Variants in COL1A2 observed in about 807,000 individuals in gnomAD.
The protein encoded by COL1A2 is collagen type I alpha 2 chain.
In COL1A2, 49 loss-of-function variants were observed where a neutral mutation model predicts 174.3. The ratio of observed to expected loss-of-function variants is 0.28; its 90% CI spans 0.22 to 0.36. The LOEUF is 0.36. COL1A2 is among the 10% of genes least tolerant of loss of function. The pLI, the probability that COL1A2 is intolerant of heterozygous loss-of-function variation, is 1.00. For missense variants in COL1A2, 1,438 were observed against 1,822.7 expected, an observed-to-expected ratio of 0.79 and a Z score of 3.84; for synonymous variants, 655 against 606.6, an observed-to-expected ratio of 1.08 and a Z score of -1.17.
chr7:94,426,354 T>A (rs1305886380), intron 45 of COL1A2, 69 bp from the exon 46 acceptor site: 1 of 1,327,470 alleles, frequency 7.5e-7, no homozygotes, highest in Non-Finnish European at 1.1e-6. Flanking sequence ...AATTAAGCAG[T>A]ATTTGTGGTG....
chr7:94,417,978 T>C (rs1369142288), intron 32 of COL1A2, 147 bp downstream of exon 32: 1 of 714,856 alleles, frequency 1.4e-6, no homozygotes, highest in Non-Finnish European at 2.4e-6. Context: ...ACCTAGCACC[T>C]ACACATTTCT....
At chr7:94,426,106 CA>C in intron 45 of COL1A2, 55 bp downstream of exon 45, 1 of 1,467,524 alleles carries the variant, frequency 6.8e-7, no homozygotes, top group Non-Finnish European at 9.6e-7. Flanking sequence ...AGAATCAGTC[CA>C]AAACATCTGT....
chr7:94,406,284 C>T lies in COL1A2; in HGVS notation c.575C>T (p.Pro192Leu). ...GGTCTGGATGGATTGAAGGGACAGC[C>T]CGGTGCTCCTGGTGTGAAGGTAAAT... ...HNGLDGLKGQPGAPGVKGEPG... is the reference protein window; with the variant it reads ...HNGLDGLKGQLGAPGVKGEPG... Residue 192 changes from proline to leucine, a missense_variant, in exon 12 of 52, where the codon CCC becomes CTC. This residue lies in a region of COL1A2 where 281 missense variants were observed against 310.9 expected (regional missense o/e 0.90). Transcript: ENST00000297268. 1 of 1,613,936 alleles carries T rather than the reference C, an allele frequency of 6.2e-7. No individual in the cohort carries two copies. Among genetic ancestry groups the T allele is most frequent in the African/African-American group, 1.3e-5 (1 of 75,026 alleles).
At chr7:94,420,482 C>G in intron 36 of COL1A2, 38 bp downstream of exon 36, 1 of 1,614,042 alleles carries the variant, frequency 6.2e-7, no homozygotes, top group Non-Finnish European at 8.5e-7. Flanking sequence ...TGAAAACATC[C>G]TAAGTTGGGG....
rs1053766807 is a variant in COL1A2 at position 94,421,245 on chromosome 7, T to C, written c.2349+183T>C. 6 of 675,322 alleles carry C rather than the reference T, an allele frequency of 8.9e-6. No homozygotes were observed. The African/African-American group carries it at 1.1e-4, about 12-fold the overall frequency. The allele number at this position is 675,322 out of a possible 1,614,324, so 41.8% of individuals were successfully genotyped here. A position where few individuals can be genotyped will look rare whatever the true frequency, so the allele number is the denominator to read the frequency against. On this transcript the variant is annotated intron_variant, in intron 38 of 51. Coordinates refer to ENST00000297268, the MANE Select transcript of COL1A2 (RefSeq NM_000089.4). ...TTGAACTCAGCTGGAACTCAGTGTA[T>C]GTTGCTATCAGCTCACTTGAGGTAA...
At chr7:94,412,411 G>A (rs1791946801) in intron 24 of COL1A2, among the ~76,000 whole-genome samples, 173 bp from the exon 25 acceptor site, 1 of 151,756 alleles carries the variant, frequency 6.6e-6, no homozygotes, top group South Asian at 2.1e-4. Context: ...TTGGCTATGT[G>A]TGTACTGACA....
At chr7:94,426,939 G>GAAA (rs58882596) in intron 46 of COL1A2, 69 bp from the exon 47 acceptor site, 7 of 1,333,504 alleles carry the variant, frequency 5.2e-6, no homozygotes, top group Middle Eastern at 2.0e-4. Context: ...ATTCAATTTG[G>GAAA]AAAAAAAAAA....
intron 41 of COL1A2, chr7:94,424,756 G>A: frequency 2.2e-6 from 1 of 464,084 alleles, no homozygotes; most frequent in Admixed American, 3.5e-5. Context: ...CCTGTAGGAA[G>A]AATGAAACTC....
rs1045518967 is a variant in COL1A2 at position 94,408,038 on chromosome 7, C to G, written c.640-145C>G. 1.0e-4 allele frequency: 118 copies of G among 1,162,626 alleles called. 1 individual carries two copies. In the African/African-American group the frequency reaches 1.5e-3, roughly 15 times the overall value. The allele number at this position is 1,162,626 out of a possible 1,614,324, so 72.0% of individuals were successfully genotyped here. On this transcript the variant is annotated intron_variant, in intron 13 of 51. Transcript: ENST00000297268. ...AGCCTTCTGATACTTAATTGAAATC[C>G]ACTACTGTTTAGTTGGAATTAGAAG...
chr7:94,405,415 T>C (rs1279727494), intron 10 of COL1A2, among the ~76,000 whole-genome samples, 163 bp downstream of exon 10: 1 of 152,112 alleles, frequency 6.6e-6, no homozygotes, highest in Non-Finnish European at 1.5e-5. Flanking sequence ...AAAATGCATA[T>C]ACATTTTATT....
chr7:94,418,687 G>A (rs941464381), intron 33 of COL1A2, 135 bp downstream of exon 33: 3 of 692,790 alleles, frequency 4.3e-6, no homozygotes, highest in South Asian at 3.8e-5. Flanking sequence ...TTCTCTCCTG[G>A]GTCTATGACT....
At chr7:94,414,532 C>T (rs925721828) in intron 29 of COL1A2, among the ~76,000 whole-genome samples, 1 of 152,094 alleles carries the variant, frequency 6.6e-6, no homozygotes, top group Non-Finnish European at 1.5e-5. Context: ...TATTTAATAG[C>T]CTTACTTTTT....
intron 39 of COL1A2, 95 bp downstream of exon 39, chr7:94,422,047 T>C (rs1222739373): frequency 2.0e-6 from 2 of 1,013,002 alleles, no homozygotes; most frequent in Non-Finnish European, 3.0e-6. Flanking sequence ...TGAAAACACA[T>C]CACTAATATT....
Position 94,407,832 on chromosome 7 carries a change from T to A in COL1A2, c.595-15T>A, listed in dbSNP as rs1349608749. The A allele has an allele frequency of 6.2e-7, 1 of 1,613,296 alleles. No homozygotes were observed. Among genetic ancestry groups the A allele is most frequent in the South Asian group, 1.1e-5 (1 of 90,958 alleles). ...TTATATTTAATGAACAAAAACTCAATCCTTCTCCATGTAGGGTGAACCTGG... is the reference window on the plus strand; with the variant it reads ...TTATATTTAATGAACAAAAACTCAAACCTTCTCCATGTAGGGTGAACCTGG... On this transcript the variant is annotated splice_polypyrimidine_tract_variant and intron_variant, in intron 12 of 51. Transcript: ENST00000297268.
Position 94,398,395 on chromosome 7 carries a change from A to G in COL1A2, c.95A>G (p.Lys32Arg). ...CQSLQEETVR[K>R]GPAGDRGPRG... ...ATTCTTTTCTAGGAAACTGTAAGAA[A>G]GGTAAGAGTACACTACTTCTCCATA... Residue 32 changes from lysine to arginine, a missense_variant and splice_region_variant, in exon 3 of 52, where the codon AAG (lysine) becomes AGG (arginine). Lys to Arg is a conservative substitution (Grantham distance 26). This residue lies in a region of COL1A2 where 281 missense variants were observed against 310.9 expected (regional missense o/e 0.90). Transcript: ENST00000297268. 1 of 949,358 alleles carries G rather than the reference A, an allele frequency of 1.1e-6. No homozygotes were observed. Among genetic ancestry groups the G allele is most frequent in the Non-Finnish European group, 1.6e-6 (1 of 644,920 alleles). The allele number at this position is 949,358 out of a possible 1,614,324, so 58.8% of individuals were successfully genotyped here.
rs1039513940 is a variant in COL1A2, at chr7:94,429,982, G to A, written c.3955-265G>A. ...CAACAATCCTAAAAATGACTTTGTAGAGATAGGTCACTTGGAATGTGTGTT... is the reference window on the plus strand; with the variant it reads ...CAACAATCCTAAAAATGACTTTGTAAAGATAGGTCACTTGGAATGTGTGTT... On this transcript the variant is annotated intron_variant, in intron 51 of 51. Coordinates refer to ENST00000297268, the MANE Select transcript of COL1A2 (RefSeq NM_000089.4). 16 of 506,666 alleles carry A rather than the reference G, an allele frequency of 3.2e-5. No homozygotes were observed. In the Admixed American group the frequency reaches 4.5e-4, roughly 14 times the overall value. The allele number at this position is 506,666 out of a possible 1,614,324, so 31.4% of individuals were successfully genotyped here.
chr7:94,405,290 T>A (rs766176209), intron 10 of COL1A2, 38 bp downstream of exon 10: 1 of 1,586,028 alleles, frequency 6.3e-7, no homozygotes, highest in East Asian at 2.2e-5. Flanking sequence ...ACAAACATCA[T>A]AGGCCTATAA....
In COL1A2 at chr7:94,418,532, C is replaced by T. The variant is rs1194591416; in HGVS notation, c.2005C>T (p.Pro669Ser). 3.7e-6 allele frequency: 6 copies of T among 1,613,826 alleles called. No individual in the cohort carries two copies. The highest frequency in any genetic ancestry group is 1.1e-5 in the South Asian group (1 of 91,052). ...EPGLRGEIGN[P>S]GRDGARGAPG... The stretch of plus-strand genomic sequence containing the variant: ...TGGTCTCAGAGGTGAAATTGGTAAC[C>T]CTGGCAGAGATGGTGCTCGTGTGAG... The change falls in exon 33 of 52, where the codon CCT (proline) becomes TCT (serine). Residue 669 changes from proline (P) to serine (S), a missense_variant. Pro to Ser is a moderately conservative substitution (Grantham distance 74). Coordinates refer to ENST00000297268, the MANE Select transcript of COL1A2 (RefSeq NM_000089.4).
In COL1A2 at chr7:94,404,568, C is replaced by A. The variant is rs765868569; in HGVS notation, c.292C>A (p.Pro98Thr). The A allele has an allele frequency of 1.2e-6, 2 of 1,613,462 alleles. No individual in the cohort carries two copies. The highest frequency in any genetic ancestry group is 1.7e-6 in the Non-Finnish European group (2 of 1,179,970). ...LGPGPMGLMG[P>T]RGPPGAAGAP... ...GCTTTCTTTACAGGGCTTAATGGGA[C>A]CTAGAGGCCCACCTGGTGCAGCTGG... is the stretch of plus-strand genomic sequence containing the variant. The change falls in exon 7 of 52, where the codon CCT becomes ACT. Residue 98 changes from proline (P) to threonine (T), a missense_variant. Physicochemically the swap from Pro to Thr is conservative, Grantham distance 38. This residue lies in a region of COL1A2 where 281 missense variants were observed against 310.9 expected (regional missense o/e 0.90). Coordinates refer to ENST00000297268, the MANE Select transcript of COL1A2 (RefSeq NM_000089.4).
Sources: gnomAD v4.1 joint callset for allele counts (sites outside exome capture counted in the v4.1 genomes callset) on GRCh38, gnomAD v4.1.1 for gene constraint, gnomAD v4.1.1 regional missense constraint, MANE v1.5 for transcripts, NCBI Gene and HGNC (gene_info 2026-07-23, HGNC 2026-07-21) for gene names.